EPS8: variants seen among roughly 807,000 people sequenced by gnomAD.
EPS8 encodes the protein EGFR pathway substrate 8, signaling adaptor.
EPS8 carries 42 observed loss-of-function variants against 103.8 expected under a neutral mutation model. The ratio of observed to expected loss-of-function variants is 0.40; its 90% CI spans 0.32 to 0.52. The LOEUF is 0.52. Among genes scored for constraint, EPS8 ranks in the 20% least tolerant of loss-of-function variants. The probability of loss-of-function intolerance (pLI) is 0.40; values close to 1 mark genes in which losing one functional copy is unlikely to be tolerated. For missense variants in EPS8, 969 were observed against 1,005.1 expected (o/e 0.96, Z 0.49); for synonymous variants, 344 against 344.6 (o/e 1.00, Z 0.02).
At chr12:15,694,710 ACT>A (rs1183497793) in intron 1 of EPS8, among the ~76,000 whole-genome samples, 1 of 152,112 alleles carries the variant, frequency 6.6e-6, no homozygotes, top group Non-Finnish European at 1.5e-5. Flanking sequence ...GTAGTATGAA[ACT>A]CTCTTCTTGA....
Position 15,727,211 on chromosome 12 carries a change from A to T in EPS8, c.-21-44239T>A, listed in dbSNP as rs374682593. 6.6e-6 allele frequency among the ~76,000 whole-genome samples: 1 copy of T among 152,216 alleles called. No homozygotes were observed. The highest frequency in any genetic ancestry group is 1.9e-4 in the East Asian group (1 of 5,198). ...AGCCTGGGCACCTGGGGTTCTGATT[A>T]CTTCCCTCGTGGATTTAATATCTAC... On this transcript the variant is annotated intron_variant, in intron 1 of 20. Transcript: ENST00000281172. The surrounding 1 kb of genome is among the most constrained non-coding windows in gnomAD (Gnocchi z 4.3).
intron 10 of EPS8, among the ~76,000 whole-genome samples, chr12:15,659,334 G>A (rs900310048): frequency 3.9e-5 from 6 of 152,040 alleles, no homozygotes; most frequent in African/African-American, 7.2e-5. Flanking sequence ...AGACTGCTTC[G>A]AAAGCAGGGT....
rs1392305095 is a variant in EPS8 at position 15,698,554 on chromosome 12, CT to C, written c.-21-15583del. Among the ~76,000 whole-genome samples the C allele has an allele frequency of 3.2e-4, 5 of 15,780 alleles. No homozygotes were observed. Among genetic ancestry groups the C allele is most frequent in the Non-Finnish European group, 4.3e-4 (3 of 6,898 alleles). 10.4% of individuals were successfully genotyped at this position (15,780 alleles called of 152,430 possible). On this transcript the variant is annotated intron_variant, in intron 1 of 20. Coordinates refer to ENST00000281172, the MANE Select transcript of EPS8 (RefSeq NM_004447.6). The surrounding 1 kb of genome is among the most constrained non-coding windows in gnomAD (Gnocchi z 4.9). The stretch of plus-strand genomic sequence containing the variant: ...GAGTGGAAAAATAAATCTTCATCCT[CT>C]TTAAAAAAAAAAAAAAAATTTAGCT...
chr12:15,719,543 T>C (rs564666693), intron 1 of EPS8, among the ~76,000 whole-genome samples: 10 of 152,262 alleles, frequency 6.6e-5, no homozygotes, highest in Middle Eastern at 3.4e-3. Context: ...CAGCAACACA[T>C]GATCTGAAGC....
chr12:15,691,947 C>A (rs1294513539), intron 1 of EPS8, among the ~76,000 whole-genome samples: 1 of 152,052 alleles, frequency 6.6e-6, no homozygotes, highest in Non-Finnish European at 1.5e-5. Flanking sequence ...AAGCACCACC[C>A]ATTCTATCAT....
In EPS8 at chr12:15,787,201, G is replaced by A. The variant is rs1344580716; in HGVS notation, c.-22+1960C>T. Among the ~76,000 whole-genome samples, 1 of 152,132 alleles carries A rather than the reference G, an allele frequency of 6.6e-6. No individual in the cohort carries two copies. The highest frequency in any genetic ancestry group is 6.5e-5 in the Admixed American group (1 of 15,268). ...AATTAAAAGAGGTATGTAAAAGAAGGGAGTAGAGAGAAGAATAAAAAGCAG... is the reference window on the plus strand; with the variant it reads ...AATTAAAAGAGGTATGTAAAAGAAGAGAGTAGAGAGAAGAATAAAAAGCAG... On this transcript the variant is annotated intron_variant, in intron 1 of 20. Transcript: ENST00000281172. The surrounding 1 kb of genome is among the most constrained non-coding windows in gnomAD (Gnocchi z 4.9).
At chr12:15,720,839 T>C (rs1199250834) in intron 1 of EPS8, among the ~76,000 whole-genome samples, 1 of 152,164 alleles carries the variant, frequency 6.6e-6, no homozygotes, top group East Asian at 1.9e-4. Flanking sequence ...TTCTTAGCAA[T>C]TCTCATCCTT....
At chr12:15,666,867 A>T (rs1945721902) in intron 6 of EPS8, among the ~76,000 whole-genome samples, 1 of 152,182 alleles carries the variant, frequency 6.6e-6, no homozygotes, top group South Asian at 2.1e-4. Context: ...CCACACATAG[A>T]ACAGAGTTCC....
Position 15,752,605 on chromosome 12 carries a change from A to G in EPS8, c.-22+36556T>C, listed in dbSNP as rs994722434. 6.6e-6 allele frequency among the ~76,000 whole-genome samples: 1 copy of G among 152,096 alleles called. No individual in the cohort carries two copies. On this transcript the variant is annotated intron_variant, in intron 1 of 20. Coordinates refer to ENST00000281172, the MANE Select transcript of EPS8 (RefSeq NM_004447.6). This position sits in a 1 kb window ranked among gnomAD's most constrained non-coding sequence, Gnocchi z 4.4. Reference sequence around the variant, plus strand: ...TCAGAAACATTATATTGAGCCCCCAAATTATCTGAGAAAAAAAAGTCTTTA... The same window carrying G: ...TCAGAAACATTATATTGAGCCCCCAGATTATCTGAGAAAAAAAAGTCTTTA...
chr12:15,759,897 T>A lies in EPS8; in HGVS notation c.-22+29264A>T. 6.6e-6 allele frequency among the ~76,000 whole-genome samples: 1 copy of A among 151,054 alleles called. No homozygotes were observed. Among genetic ancestry groups the A allele is most frequent in the Non-Finnish European group, 1.5e-5 (1 of 67,716 alleles). On this transcript the variant is annotated intron_variant, in intron 1 of 20. Coordinates refer to ENST00000281172, the MANE Select transcript of EPS8 (RefSeq NM_004447.6). This position sits in a 1 kb window ranked among gnomAD's most constrained non-coding sequence, Gnocchi z 4.9. ...ACTTCAAATAACCCAACAATGCATCTTAAAGAACTAGAAAAGCAAGAGCAA... is the reference window on the plus strand; with the variant it reads ...ACTTCAAATAACCCAACAATGCATCATAAAGAACTAGAAAAGCAAGAGCAA...
Position 15,647,201 on chromosome 12 carries a change from G to A in EPS8, c.1494C>T (p.Tyr498=). 6.2e-7 allele frequency: 1 copy of A among 1,613,958 alleles called. No homozygotes were observed. Among genetic ancestry groups the A allele is most frequent in the Non-Finnish European group, 8.5e-7 (1 of 1,179,872 alleles). ...ADGYAFSSNI[Y]TRGSHLDQGE... ...CTTGGTCCAGGTGGGATCCTCTTGT[G>A]TAAATGTTGCTACTGAACGCATAGC... is the stretch of plus-strand genomic sequence containing the variant. The change falls in exon 15 of 21, where the codon TAC becomes TAT. Residue 498 remains tyrosine, a synonymous_variant. Transcript: ENST00000281172.
Position 15,698,865 on chromosome 12 carries a change from T to A in EPS8, c.-21-15893A>T, listed in dbSNP as rs533422058. Among the ~76,000 whole-genome samples, 1 of 152,286 alleles carries A rather than the reference T, an allele frequency of 6.6e-6. No individual in the cohort carries two copies. Among genetic ancestry groups the A allele is most frequent in the African/African-American group, 2.4e-5 (1 of 41,570 alleles). ...CTTCCCCATTATGAAGGAAATAGAA[T>A]AAAACAATGTAGCATATTCTTGTAA... On this transcript the variant is annotated intron_variant, in intron 1 of 20. Coordinates refer to ENST00000281172, the MANE Select transcript of EPS8 (RefSeq NM_004447.6). The surrounding 1 kb of genome is among the most constrained non-coding windows in gnomAD (Gnocchi z 4.9).
intron 15 of EPS8, among the ~76,000 whole-genome samples, chr12:15,645,829 C>T (rs1057341598): frequency 6.6e-6 from 1 of 152,040 alleles, no homozygotes; most frequent in African/African-American, 2.4e-5. Context: ...TCAAATGGAA[C>T]CTGATAAAAG....
intron 6 of EPS8, among the ~76,000 whole-genome samples, chr12:15,666,786 G>T (rs1233520146): frequency 1.3e-5 from 2 of 152,116 alleles, no homozygotes; most frequent in African/African-American, 4.8e-5. Context: ...TGATAGAAAG[G>T]ATATGTACAC....
At chr12:15,732,733 A>G (rs1266490627) in intron 1 of EPS8, 1 of 970,826 alleles carries the variant, frequency 1.0e-6, no homozygotes, top group East Asian at 1.1e-4. Context: ...TGCAATAAAG[A>G]GAACACAAAA....
At chr12:15,655,176 A>G (rs1945485137) in intron 12 of EPS8, among the ~76,000 whole-genome samples, 1 of 152,030 alleles carries the variant, frequency 6.6e-6, no homozygotes, top group African/African-American at 2.4e-5. Context: ...AGTTCCCCAG[A>G]AGGCCATTCC....
In EPS8 at chr12:15,780,724, TTC is replaced by T. The variant is rs1947252870; in HGVS notation, c.-22+8435_-22+8436del. 1.3e-5 allele frequency: 2 copies of T among 152,196 alleles called. No individual in the cohort carries two copies. Among genetic ancestry groups the T allele is most frequent in the Admixed American group, 1.3e-4 (2 of 15,276 alleles). 9.4% of individuals were successfully genotyped at this position (152,196 alleles called of 1,614,324 possible). On this transcript the variant is annotated intron_variant, in intron 1 of 20. Coordinates refer to ENST00000281172, the MANE Select transcript of EPS8 (RefSeq NM_004447.6). The surrounding 1 kb of genome is among the most constrained non-coding windows in gnomAD (Gnocchi z 4.1). ...TCTGGCTGCCTCCATTCTCTGAGCC[TTC>T]TGACAACAAAAGGCAGAGATCCTGT...
chr12:15,656,409 T>C (rs550010870), intron 12 of EPS8, among the ~76,000 whole-genome samples: 1 of 152,302 alleles, frequency 6.6e-6, no homozygotes, highest in Admixed American at 6.5e-5. Flanking sequence ...TATAGGAGCA[T>C]TCATAAGTTA....
At chr12:15,634,492 G>A (rs967071243) in intron 17 of EPS8, among the ~76,000 whole-genome samples, 1 of 152,174 alleles carries the variant, frequency 6.6e-6, no homozygotes, top group African/African-American at 2.4e-5. Flanking sequence ...ATAAGATCCT[G>A]ATTCATACAA....
Sources: allele counts gnomAD v4.1 joint callset (sites outside exome capture counted in the v4.1 genomes callset), GRCh38; gene constraint gnomAD v4.1.1; non-coding constraint Gnocchi (gnomAD v3.1); transcripts MANE v1.5; gene names NCBI Gene and HGNC (gene_info 2026-07-23, HGNC 2026-07-21).